MSRB3: variants seen among roughly 807,000 people sequenced by gnomAD.
MSRB3 encodes the protein methionine-R-sulfoxide reductase B3.
In MSRB3, 13 loss-of-function variants were observed where a neutral mutation model predicts 21.0. The ratio of observed to expected loss-of-function variants is 0.62; its 90% CI spans 0.40 to 0.98. The LOEUF (loss-of-function observed/expected upper bound fraction) is 0.98. Ranked by LOEUF, MSRB3 falls within the 50% of genes least tolerant of loss-of-function variation. MSRB3 has a pLI of 0.00. For synonymous variants in MSRB3, 87 were observed against 88.6 expected, an observed-to-expected ratio of 0.98 and a Z score of 0.10; for missense variants, 199 against 230.3, an observed-to-expected ratio of 0.86 and a Z score of 0.88.
intron 5 of MSRB3, among the ~76,000 whole-genome samples, chr12:65,372,407 A>G (rs1394437845): frequency 1.3e-5 from 2 of 152,214 alleles, no homozygotes; most frequent in East Asian, 3.9e-4. Context: ...TTTTCTGTTG[A>G]TTTATAACTC....
chr12:65,289,024 A>G (rs1592490841), intron 1 of MSRB3, among the ~76,000 whole-genome samples: 1 of 152,330 alleles, frequency 6.6e-6, no homozygotes, highest in South Asian at 2.1e-4. Context: ...TTCAGAAATG[A>G]AATGTGAAAG....
At chr12:65,421,564 C>T (rs189998466) in intron 5 of MSRB3, among the ~76,000 whole-genome samples, 7 of 152,264 alleles carry the variant, frequency 4.6e-5, no homozygotes, top group African/African-American at 9.6e-5. Context: ...ATGGTATTGC[C>T]TACGTTGTCT....
At chr12:65,343,328 T>G (rs1315528236) in intron 4 of MSRB3, among the ~76,000 whole-genome samples, 2 of 152,032 alleles carry the variant, frequency 1.3e-5, no homozygotes, top group Non-Finnish European at 2.9e-5. Context: ...GACTTCCTAA[T>G]GAAAGGTAGC....
At chr12:65,457,015 T>A (rs1280209525) in intron 6 of MSRB3, among the ~76,000 whole-genome samples, 5 of 152,110 alleles carry the variant, frequency 3.3e-5, no homozygotes, top group Non-Finnish European at 5.9e-5. Context: ...ATTTTCCTTT[T>A]TCTCAGGCAT....
intron 5 of MSRB3, among the ~76,000 whole-genome samples, chr12:65,381,584 T>G: frequency 6.6e-6 from 1 of 152,148 alleles, no homozygotes; most frequent in Non-Finnish European, 1.5e-5. Flanking sequence ...AATATTCTAG[T>G]AAAAATCCTT....
chr12:65,452,611 C>T (rs1197675217), intron 5 of MSRB3, among the ~76,000 whole-genome samples: 1 of 152,134 alleles, frequency 6.6e-6, no homozygotes, highest in Non-Finnish European at 1.5e-5. Flanking sequence ...TGTTAACACT[C>T]TTGGTGTTAA....
chr12:65,443,421 T>C (rs913589803), intron 5 of MSRB3, among the ~76,000 whole-genome samples: 1 of 152,148 alleles, frequency 6.6e-6, no homozygotes, highest in African/African-American at 2.4e-5. Context: ...ACATGATAAA[T>C]TTGATATTTG....
rs538218962 is a variant in MSRB3, at chr12:65,378,995, G to A, written c.292+9969G>A. On this transcript the variant is annotated intron_variant, in intron 5 of 6. Coordinates refer to ENST00000308259, the MANE Select transcript of MSRB3 (RefSeq NM_001031679.3). The stretch of plus-strand genomic sequence containing the variant: ...TAAAGCTAGATATCTTTGAGAAGTC[G>A]AATCAAAATGGAGGATTGCTGTTGA... Among the ~76,000 whole-genome samples the A allele has an allele frequency of 6.6e-5, 10 of 152,272 alleles. No homozygotes were observed. In the South Asian group the frequency reaches 1.0e-3, roughly 16 times the overall value.
intron 5 of MSRB3, among the ~76,000 whole-genome samples, chr12:65,407,246 AT>A (rs917937712): frequency 2.0e-3 from 298 of 147,070 alleles, no homozygotes; most frequent in Admixed American, 4.5e-3. Flanking sequence ...AAAAACCGCA[AT>A]TTTTTTTTTT....
At chr12:65,416,127 C>T (rs901761068) in intron 5 of MSRB3, among the ~76,000 whole-genome samples, 9 of 152,218 alleles carry the variant, frequency 5.9e-5, no homozygotes, top group Non-Finnish European at 1.5e-5. Context: ...TGCTTGTTGT[C>T]TTAGTCAACT....
chr12:65,370,189 T>G (rs1364579783), intron 5 of MSRB3, among the ~76,000 whole-genome samples: 1 of 152,172 alleles, frequency 6.6e-6, no homozygotes, highest in Admixed American at 6.6e-5. Flanking sequence ...GCTGACTATA[T>G]AGAGACTAAA....
intron 5 of MSRB3, among the ~76,000 whole-genome samples, chr12:65,425,367 T>C (rs1881548078): frequency 6.6e-6 from 1 of 152,106 alleles, no homozygotes; most frequent in Non-Finnish European, 1.5e-5. Context: ...TAATTATTGA[T>C]AGGTTTGGCC....
chr12:65,462,640 A>T (rs927015485), intron 6 of MSRB3, among the ~76,000 whole-genome samples: 2 of 152,200 alleles, frequency 1.3e-5, no homozygotes, highest in Admixed American at 1.3e-4. Flanking sequence ...GAGCCTTGCC[A>T]TTGCTTCGCT....
intron 5 of MSRB3, among the ~76,000 whole-genome samples, chr12:65,422,403 TATATATATATATATATATATATATA>T (rs1565885029): frequency 2.2e-4 from 7 of 31,950 alleles, no homozygotes; most frequent in East Asian, 1.0e-3. Context: ...TATATATATA[TATATATATATATATATATATATATA>T]TATTTATTTA....
intron 4 of MSRB3, among the ~76,000 whole-genome samples, chr12:65,338,739 T>G (rs1484475100): frequency 1.3e-5 from 2 of 152,162 alleles, no homozygotes; most frequent in Non-Finnish European, 2.9e-5. Flanking sequence ...ATGTCCACGT[T>G]TTTCCTCCAG....
At chr12:65,438,407 T>G (rs913487737) in intron 5 of MSRB3, among the ~76,000 whole-genome samples, 7 of 151,880 alleles carry the variant, frequency 4.6e-5, no homozygotes, top group Admixed American at 3.9e-4. Context: ...AAAACTTTTT[T>G]GGGGGACCTA....
intron 6 of MSRB3, among the ~76,000 whole-genome samples, chr12:65,454,761 C>T (rs574256564): frequency 6.6e-6 from 1 of 152,266 alleles, no homozygotes; most frequent in African/African-American, 2.4e-5. Flanking sequence ...TTAATGCTGG[C>T]TCTAAGGAAG....
chr12:65,394,142 C>G (rs917539145), intron 5 of MSRB3, among the ~76,000 whole-genome samples: 3 of 151,998 alleles, frequency 2.0e-5, no homozygotes, highest in Non-Finnish European at 2.9e-5. Flanking sequence ...GAATTAGATG[C>G]TTCTATATGC....
chr12:65,314,465 A>G (rs1356963047), intron 2 of MSRB3, among the ~76,000 whole-genome samples: 2 of 152,136 alleles, frequency 1.3e-5, no homozygotes, highest in Non-Finnish European at 2.9e-5. Flanking sequence ...TTTTTCTAAA[A>G]CAAACTGTTT....
Sources: allele counts gnomAD v4.1 joint callset (sites outside exome capture counted in the v4.1 genomes callset), GRCh38; gene constraint gnomAD v4.1.1; transcripts MANE v1.5; gene names NCBI Gene and HGNC (gene_info 2026-07-23, HGNC 2026-07-21).